The following ZNF891 variants were observed in gnomAD, a reference collection of about 807,000 sequenced individuals.
The protein encoded by ZNF891 is zinc finger protein 891.
For missense variants in ZNF891, 589 were observed against 632.7 expected (o/e 0.93, Z 0.74); for synonymous variants, 199 against 209.0 (o/e 0.95, Z 0.41).
rs765672237 is a variant in ZNF891 at position 133,106,153 on chromosome 12, G to T, written c.*14131C>A. The T allele has an allele frequency of 6.2e-5, 100 of 1,614,166 alleles. No homozygotes were observed. The highest frequency in any genetic ancestry group is 1.6e-4 in the Middle Eastern group (1 of 6,062). ...GTGGCTCAGAACTCATTCGCCACCA[G>T]ATTACACATACTGGAGAGAAACCTT... On this transcript the variant is annotated 3_prime_UTR_variant, in exon 2 of 2. Transcript: ENST00000537226.
rs1172273307 is a variant in ZNF891, at chr12:133,116,263, C to T, written c.*4021G>A. The T allele has an allele frequency of 1.3e-5, 2 of 152,122 alleles. No individual in the cohort carries two copies. Among genetic ancestry groups the T allele is most frequent in the Admixed American group, 1.3e-4 (2 of 15,282 alleles). The allele number at this position is 152,122 out of a possible 1,614,324, so 9.4% of individuals were successfully genotyped here. On this transcript the variant is annotated 3_prime_UTR_variant, in exon 2 of 2. Transcript: ENST00000537226. ...GGTACTACAGGCGCCCACCACCACA[C>T]TTGGCTAATTTTTTGTATTTTTAGT...
rs1211426743 is a variant in ZNF891 at position 133,119,868 on chromosome 12, C to T, written c.*416G>A. The T allele has an allele frequency of 6.2e-6, 1 of 161,638 alleles. No homozygotes were observed. Among genetic ancestry groups the T allele is most frequent in the Non-Finnish European group, 1.4e-5 (1 of 73,486 alleles). 10.0% of individuals were successfully genotyped at this position (161,638 alleles called of 1,614,324 possible). Reference sequence around the variant, plus strand: ...AGCTACAAGAAGTCAAAGAAGCGTTCTATAACCAGAGACCTTATTGTTCTT... The same window carrying T: ...AGCTACAAGAAGTCAAAGAAGCGTTTTATAACCAGAGACCTTATTGTTCTT... On this transcript the variant is annotated 3_prime_UTR_variant, in exon 2 of 2. Transcript: ENST00000537226.
chr12:133,106,312 TAAACATC>T lies in ZNF891; in HGVS notation c.*13965_*13971del. On this transcript the variant is annotated 3_prime_UTR_variant, in exon 2 of 2. Transcript: ENST00000537226. ...CTTTCCGTTGTCACTCATTCCTTAT[TAAACATC>T]AGAGAATTCATGCTGGAGAAAAGCT... The T allele has an allele frequency of 6.2e-7, 1 of 1,614,184 alleles. No homozygotes were observed. Among genetic ancestry groups the T allele is most frequent in the Non-Finnish European group, 8.5e-7 (1 of 1,180,022 alleles).
rs1210447473 is a variant in ZNF891, at chr12:133,119,642, A to G, written c.*642T>C. ...CTATTTAAAGATTTCTTTGAGGAAC[A>G]GGGATCTCTTTCTTCTACTTCATCC... On this transcript the variant is annotated 3_prime_UTR_variant, in exon 2 of 2. Coordinates refer to ENST00000537226, the MANE Select transcript of ZNF891 (RefSeq NM_001277291.2). The G allele has an allele frequency of 6.6e-6, 1 of 152,306 alleles. No individual in the cohort carries two copies. Among genetic ancestry groups the G allele is most frequent in the African/African-American group, 2.4e-5 (1 of 41,476 alleles). The allele number at this position is 152,306 out of a possible 1,614,324, so 9.4% of individuals were successfully genotyped here.
In ZNF891 at chr12:133,104,917, A is replaced by T. The variant is rs1223776512; in HGVS notation, c.*15367T>A. On this transcript the variant is annotated 3_prime_UTR_variant, in exon 2 of 2. Transcript: ENST00000537226. The stretch of plus-strand genomic sequence containing the variant: ...CACCCAGGTAATCAGCATAATGCCC[A>T]ATAGTCAGGTTTTTAATCCTTACCC... Among the ~76,000 whole-genome samples, 1 of 152,154 alleles carries T rather than the reference A, an allele frequency of 6.6e-6. No individual in the cohort carries two copies. Among genetic ancestry groups the T allele is most frequent in the African/African-American group, 2.4e-5 (1 of 41,434 alleles).
rs1436649793 is a variant in ZNF891, at chr12:133,121,671, T to G, written c.248A>C (p.Glu83Ala). 1.4e-5 allele frequency: 22 copies of G among 1,536,302 alleles called. No homozygotes were observed. Among genetic ancestry groups the G allele is most frequent in the Admixed American group, 3.9e-5 (2 of 50,976 alleles). ...CACAGTAAGCCTGTACAACTGATAT[T>G]CCACGGAGGTGAGATTTCTATAGTT... ...LENYRNLTSV[E>A]YQLYRLTVIS... The change falls in exon 2 of 2, where the codon GAA becomes GCA. Residue 83 changes from glutamate (E) to alanine (A), a missense_variant. Physicochemically the swap from Glu to Ala is moderately radical, Grantham distance 107. Coordinates refer to ENST00000537226, the MANE Select transcript of ZNF891 (RefSeq NM_001277291.2).
Position 133,105,537 on chromosome 12 carries a change from A to G in ZNF891, c.*14747T>C. The G allele has an allele frequency of 6.2e-7, 1 of 1,609,504 alleles. No homozygotes were observed. The highest frequency in any genetic ancestry group is 2.2e-5 in the East Asian group (1 of 44,860). On this transcript the variant is annotated 3_prime_UTR_variant, in exon 2 of 2. Transcript: ENST00000537226. ...TCAGAGTCAAGTGGTGAGATCAAAG[A>G]CTTTTCACCAAAAAATGTCATTTAT...
rs1444531712 is a variant in ZNF891, at chr12:133,106,221, A to T, written c.*14063T>A. 1.2e-6 allele frequency: 2 copies of T among 1,614,092 alleles called. No homozygotes were observed. The highest frequency in any genetic ancestry group is 2.7e-5 in the African/African-American group (2 of 74,936). Reference sequence around the variant, plus strand: ...GGGAAGGCATTTCGCCGTTTCTCACACCTTACTCGACATCAGAGCATCCAT... The same window carrying T: ...GGGAAGGCATTTCGCCGTTTCTCACTCCTTACTCGACATCAGAGCATCCAT... On this transcript the variant is annotated 3_prime_UTR_variant, in exon 2 of 2. Transcript: ENST00000537226.
At position 133,116,298 on chromosome 12, in the gene ZNF891, G is replaced by A. The variant is rs1955714747; in HGVS notation, c.*3986C>T. The A allele has an allele frequency of 6.6e-6, 1 of 152,218 alleles. No homozygotes were observed. Among genetic ancestry groups the A allele is most frequent in the Non-Finnish European group, 1.5e-5 (1 of 68,152 alleles). The allele number at this position is 152,218 out of a possible 1,614,324, so 9.4% of individuals were successfully genotyped here. ...TTTTTGTATTTTTAGTAGAGACGAG[G>A]TTTCATCATGTTAGCCAGGATGGTC... On this transcript the variant is annotated 3_prime_UTR_variant, in exon 2 of 2. Coordinates refer to ENST00000537226, the MANE Select transcript of ZNF891 (RefSeq NM_001277291.2).
In ZNF891 at chr12:133,105,467, T is replaced by G. The variant is rs2137589568; in HGVS notation, c.*14817A>C. On this transcript the variant is annotated 3_prime_UTR_variant, in exon 2 of 2. Transcript: ENST00000537226. ...GGAGAAATGGCCTTATTTTATTCAA[T>G]ACAGGAAAAAGAAACATTCACTTTT... is the stretch of plus-strand genomic sequence containing the variant. 1 of 1,515,638 alleles carries G rather than the reference T, an allele frequency of 6.6e-7. No individual in the cohort carries two copies. Among genetic ancestry groups the G allele is most frequent in the African/African-American group, 1.4e-5 (1 of 71,862 alleles). The allele number at this position is 1,515,638 out of a possible 1,614,324, so 93.9% of individuals were successfully genotyped here. A position where few individuals can be genotyped will look rare whatever the true frequency, so the allele number is the denominator to read the frequency against.
chr12:133,123,974 A>T (rs1320145009), intron 1 of ZNF891, among the ~76,000 whole-genome samples: 1 of 152,208 alleles, frequency 6.6e-6, no homozygotes, highest in African/African-American at 2.4e-5. Context: ...TGGGATTTTG[A>T]TTAATCTATG....
Position 133,121,279 on chromosome 12 carries a change from T to A in ZNF891, c.640A>T (p.Lys214Ter), listed in dbSNP as rs966030785. 4 of 1,535,586 alleles carry A rather than the reference T, an allele frequency of 2.6e-6. No homozygotes were observed. The highest frequency in any genetic ancestry group is 3.5e-6 in the Non-Finnish European group (4 of 1,146,820). ...TCTGAGTAACATTTTTGGCAATGTTTACTGGTGAAAATGCTCTGTGAAAAA... is the reference window on the plus strand; with the variant it reads ...TCTGAGTAACATTTTTGGCAATGTTAACTGGTGAAAATGCTCTGTGAAAAA... The part of the protein sequence containing the change: ...LIFSQSIFTS[K>*]HCQKCYSEIG... The change falls in exon 2 of 2, where the codon AAA becomes TAA. Residue 214 changes from lysine to a stop codon, truncating the protein, a stop_gained. Transcript: ENST00000537226. LOFTEE classifies it low-confidence loss of function (END_TRUNC).
intron 1 of ZNF891, chr12:133,125,687 A>G (rs1049441487): frequency 1.3e-5 from 4 of 306,002 alleles, no homozygotes; most frequent in African/African-American, 2.2e-5. Flanking sequence ...CAGGAGAAAC[A>G]AGATTGACCA....
Position 133,105,514 on chromosome 12 carries a change from A to G in ZNF891, c.*14770T>C, listed in dbSNP as rs892344176. 6.3e-7 allele frequency: 1 copy of G among 1,581,818 alleles called. No individual in the cohort carries two copies. Among genetic ancestry groups the G allele is most frequent in the African/African-American group, 1.4e-5 (1 of 73,140 alleles). On this transcript the variant is annotated 3_prime_UTR_variant, in exon 2 of 2. Transcript: ENST00000537226. ...TTTTTTTTTGGTATCTTTCAGTTTC[A>G]GAGTCAAGTGGTGAGATCAAAGACT...
At chr12:133,125,368 C>T (rs1204467381) in intron 1 of ZNF891, 1 of 152,892 alleles carries the variant, frequency 6.5e-6, no homozygotes, top group East Asian at 1.9e-4. Context: ...TGAGACTATC[C>T]TACTTAAAAA....
rs753840972 is a variant in ZNF891, at chr12:133,106,562, G to T, written c.*13722C>A. The T allele has an allele frequency of 1.2e-6, 2 of 1,613,786 alleles. No individual in the cohort carries two copies. The highest frequency in any genetic ancestry group is 2.2e-5 in the South Asian group (2 of 91,076). On this transcript the variant is annotated 3_prime_UTR_variant, in exon 2 of 2. Coordinates refer to ENST00000537226, the MANE Select transcript of ZNF891 (RefSeq NM_001277291.2). Reference sequence around the variant, plus strand: ...ATCCTTCAGCTGGAGCTCAAACCTTGCTAAACATCAGAGGACACACACTCT... The same window carrying T: ...ATCCTTCAGCTGGAGCTCAAACCTTTCTAAACATCAGAGGACACACACTCT...
In ZNF891 at chr12:133,105,061, G is replaced by A. The variant is rs967799193; in HGVS notation, c.*15223C>T. Among the ~76,000 whole-genome samples, 3 of 152,054 alleles carry A rather than the reference G, an allele frequency of 2.0e-5. No homozygotes were observed. Among genetic ancestry groups the A allele is most frequent in the Admixed American group, 6.6e-5 (1 of 15,258 alleles). On this transcript the variant is annotated 3_prime_UTR_variant, in exon 2 of 2. Coordinates refer to ENST00000537226, the MANE Select transcript of ZNF891 (RefSeq NM_001277291.2). The stretch of plus-strand genomic sequence containing the variant: ...TCATAGGCAAGTTTTCAGAGAAACC[G>A]CTTTTTTTTTCATTTAGATTATTAT...
intron 1 of ZNF891, among the ~76,000 whole-genome samples, 163 bp downstream of exon 1, chr12:133,130,064 C>T (rs1030706006): frequency 4.6e-5 from 7 of 152,244 alleles, no homozygotes; most frequent in African/African-American, 1.7e-4. Context: ...CGGTAAGTAG[C>T]CCCTCCTCCC....
At position 133,106,473 on chromosome 12, in the gene ZNF891, C is replaced by T. The variant is rs1262261634; in HGVS notation, c.*13811G>A. The T allele has an allele frequency of 6.2e-7, 1 of 1,613,826 alleles. No individual in the cohort carries two copies. Among genetic ancestry groups the T allele is most frequent in the African/African-American group, 1.3e-5 (1 of 74,848 alleles). On this transcript the variant is annotated 3_prime_UTR_variant, in exon 2 of 2. Transcript: ENST00000537226. ...GATAAAGCCTTCAGCCGGAGCTTTTCCCTCATTCTACATCAGAGAACTCAT... is the reference window on the plus strand; with the variant it reads ...GATAAAGCCTTCAGCCGGAGCTTTTTCCTCATTCTACATCAGAGAACTCAT...
Sources: allele counts gnomAD v4.1 joint callset (sites outside exome capture counted in the v4.1 genomes callset), GRCh38; gene constraint gnomAD v4.1.1; transcripts MANE v1.5; gene names NCBI Gene and HGNC (gene_info 2026-07-23, HGNC 2026-07-21).